The following PRXL2C variants were observed in gnomAD, a reference collection of about 807,000 sequenced individuals.
PRXL2C encodes peroxiredoxin like 2C.
In PRXL2C, 38 loss-of-function variants were observed where a neutral mutation model predicts 24.9. That is an observed-to-expected ratio of 1.53 (90% confidence interval 1.18 to 2.00). PRXL2C has a LOEUF of 2.00. Ranked by LOEUF, PRXL2C falls within the 30% of genes most tolerant of loss-of-function variation. PRXL2C has a pLI of 0.00. For missense variants in PRXL2C, 294 were observed against 290.9 expected, an observed-to-expected ratio of 1.01 and a Z score of -0.08; for synonymous variants, 98 against 117.2, an observed-to-expected ratio of 0.84 and a Z score of 1.06.
At chr9:96,652,333 C>T (rs974416007) in intron 2 of PRXL2C, among the ~76,000 whole-genome samples, 2 of 151,982 alleles carry the variant, frequency 1.3e-5, no homozygotes, top group African/African-American at 4.8e-5. Flanking sequence ...CCAGCCTGAC[C>T]AACATGGTGA....
chr9:96,645,942 A>G lies in PRXL2C; in HGVS notation c.504T>C (p.Asp168=). ...LWRAVTGPLF[D]FQGDPAQQGG... is the part of the protein sequence containing the mutation. ...CTTGCTGAGCTGGGTCTCCTTGAAA[A>G]TCAAAGAGAGGGCCAGTCACTGCCC... is the stretch of plus-strand genomic sequence containing the variant. The change falls in exon 5 of 6, where the codon GAT becomes GAC. Residue 168 remains aspartate (D), a synonymous_variant. Transcript: ENST00000375234. 2 of 1,613,654 alleles carry G rather than the reference A, an allele frequency of 1.2e-6. No individual in the cohort carries two copies. The highest frequency in any genetic ancestry group is 1.7e-6 in the Non-Finnish European group (2 of 1,179,914).
rs1173884541 is a variant in PRXL2C, at chr9:96,641,162, T to A, written c.*597A>T. The A allele has an allele frequency of 6.6e-6, 1 of 152,182 alleles. No individual in the cohort carries two copies. Among genetic ancestry groups the A allele is most frequent in the East Asian group, 1.9e-4 (1 of 5,200 alleles). 9.4% of individuals were successfully genotyped at this position (152,182 alleles called of 1,614,324 possible). Reference sequence around the variant, plus strand: ...ATGTTTAAAGACCTTTTCCTGGCCCTACAATATTAATCATGCTCATTATAT... The same window carrying A: ...ATGTTTAAAGACCTTTTCCTGGCCCAACAATATTAATCATGCTCATTATAT... On this transcript the variant is annotated 3_prime_UTR_variant, in exon 6 of 6. Coordinates refer to ENST00000375234, the MANE Select transcript of PRXL2C (RefSeq NM_153698.2).
intron 5 of PRXL2C, among the ~76,000 whole-genome samples, chr9:96,645,358 G>C (rs1462505976): frequency 6.6e-6 from 1 of 152,072 alleles, no homozygotes; most frequent in Non-Finnish European, 1.5e-5. Context: ...TCTAGGCATG[G>C]GATGATGGGC....
intron 4 of PRXL2C, among the ~76,000 whole-genome samples, chr9:96,649,254 G>C (rs1848235941): frequency 1.3e-5 from 2 of 151,492 alleles, no homozygotes; most frequent in Admixed American, 1.3e-4. Context: ...TCAAGTTTAG[G>C]TCTTTTTCTT....
At chr9:96,649,232 C>A (rs1318557361) in intron 4 of PRXL2C, among the ~76,000 whole-genome samples, 4 of 151,848 alleles carry the variant, frequency 2.6e-5, no homozygotes, top group Non-Finnish European at 5.9e-5. Context: ...GCCAGCTCAT[C>A]ATTAGTTCTG....
Position 96,641,209 on chromosome 9 carries a change from A to G in PRXL2C, c.*550T>C, listed in dbSNP as rs1178000678. The G allele has an allele frequency of 6.6e-6, 1 of 152,260 alleles. No individual in the cohort carries two copies. Among genetic ancestry groups the G allele is most frequent in the Non-Finnish European group, 1.5e-5 (1 of 68,054 alleles). The allele number at this position is 152,260 out of a possible 1,614,324, so 9.4% of individuals were successfully genotyped here. The stretch of plus-strand genomic sequence containing the variant: ...ATATAACAGTTGGGAAATACAGAAA[A>G]GTACAGAAAAGAAAATAATAACACT... On this transcript the variant is annotated 3_prime_UTR_variant, in exon 6 of 6. Transcript: ENST00000375234.
chr9:96,650,222 T>C (rs920724300), intron 4 of PRXL2C, among the ~76,000 whole-genome samples: 4 of 152,212 alleles, frequency 2.6e-5, no homozygotes, highest in Non-Finnish European at 2.9e-5. Context: ...ATGATGAGTC[T>C]GCATGGTGGG....
At chr9:96,644,920 G>A (rs1848172208) in intron 5 of PRXL2C, among the ~76,000 whole-genome samples, 2 of 68,524 alleles carry the variant, frequency 2.9e-5, no homozygotes, top group African/African-American at 4.9e-5. Flanking sequence ...TTTTTTTGAG[G>A]CAGAGTCTCA....
At position 96,655,233 on chromosome 9, in the gene PRXL2C, G is replaced by C; in HGVS notation, c.49C>G (p.Leu17Val). Residue 17 changes from leucine to valine, a missense_variant, in exon 1 of 6, where the codon CTG becomes GTG. Transcript: ENST00000375234. ...TCGGGGCCGCTCGGGGCCGGGACCA[G>C]GGCGGCGGCGCCGCTAACCTGCCGC... Reference protein sequence around the residue: ...VTRQVSGAAALVPAPSGPDSG... With the variant: ...VTRQVSGAAAVVPAPSGPDSG... 1 of 1,135,540 alleles carries C rather than the reference G, an allele frequency of 8.8e-7. No homozygotes were observed. The highest frequency in any genetic ancestry group is 4.7e-5 in the East Asian group (1 of 21,486). 70.3% of individuals were successfully genotyped at this position (1,135,540 alleles called of 1,614,324 possible). A position where few individuals can be genotyped will look rare whatever the true frequency, so the allele number is the denominator to read the frequency against.
chr9:96,642,985 G>C (rs925880851), intron 5 of PRXL2C, among the ~76,000 whole-genome samples: 3 of 151,858 alleles, frequency 2.0e-5, no homozygotes, highest in Non-Finnish European at 4.4e-5. Context: ...TTTTTTCCTG[G>C]TCATTATTCC....
intron 2 of PRXL2C, among the ~76,000 whole-genome samples, chr9:96,652,440 G>A (rs1848279808): frequency 6.6e-6 from 1 of 150,662 alleles, no homozygotes; most frequent in Admixed American, 6.7e-5. Context: ...AGAATCACTT[G>A]AACCTAGGAG....
chr9:96,647,442 T>C (rs1007986834), intron 4 of PRXL2C, among the ~76,000 whole-genome samples: 4 of 152,256 alleles, frequency 2.6e-5, no homozygotes, highest in Non-Finnish European at 5.9e-5. Flanking sequence ...ATTTCTTTCA[T>C]GTTTACATTA....
intron 2 of PRXL2C, among the ~76,000 whole-genome samples, chr9:96,652,976 C>T (rs762555370): frequency 2.0e-5 from 3 of 152,090 alleles, no homozygotes; most frequent in Non-Finnish European, 4.4e-5. Flanking sequence ...GCCTGTAATC[C>T]CAGCACTTTG....
At position 96,655,302 on chromosome 9, in the gene PRXL2C, C is replaced by T; in HGVS notation, c.-21G>A. ...GCCATGACGCGGGGCGGCCGAGGGC[C>T]TGGGTCCGCTCTGTCAGCGCGGACC... On this transcript the variant is annotated 5_prime_UTR_variant, in exon 1 of 6. Transcript: ENST00000375234. The T allele has an allele frequency of 9.6e-7, 1 of 1,039,146 alleles. No homozygotes were observed. Among genetic ancestry groups the T allele is most frequent in the East Asian group, 8.6e-5 (1 of 11,676 alleles). The allele number at this position is 1,039,146 out of a possible 1,614,324, so 64.4% of individuals were successfully genotyped here. A position where few individuals can be genotyped will look rare whatever the true frequency, so the allele number is the denominator to read the frequency against.
chr9:96,646,706 G>A (rs1449724212), intron 4 of PRXL2C, among the ~76,000 whole-genome samples: 2 of 152,182 alleles, frequency 1.3e-5, no homozygotes, highest in African/African-American at 2.4e-5. Flanking sequence ...TGGGTTGAAG[G>A]TGGCAAAGCA....
At chr9:96,646,646 A>G (rs1326181433) in intron 4 of PRXL2C, among the ~76,000 whole-genome samples, 1 of 152,178 alleles carries the variant, frequency 6.6e-6, no homozygotes, top group East Asian at 1.9e-4. Flanking sequence ...TTCCAGGCCA[A>G]GCTCCTCCCA....
At position 96,654,725 on chromosome 9, in the gene PRXL2C, T is replaced by A; in HGVS notation, c.241A>T (p.Ile81Phe). 6.4e-7 allele frequency: 1 copy of A among 1,565,932 alleles called. No homozygotes were observed. Among genetic ancestry groups the A allele is most frequent in the South Asian group, 1.2e-5 (1 of 84,994 alleles). The part of the protein sequence containing the change: ...CKEYVEDLAK[I>F]PRSFLQEANV... ...CTCACTTGTAAGAAACTCCTGGGGA[T>A]TTTGGCCAGATCCTCTACGTATTCC... is the stretch of plus-strand genomic sequence containing the variant. Residue 81 changes from isoleucine (I) to phenylalanine (F), a missense_variant, in exon 2 of 6, where the codon ATC becomes TTC. Ile to Phe is a conservative substitution (Grantham distance 21). Coordinates refer to ENST00000375234, the MANE Select transcript of PRXL2C (RefSeq NM_153698.2).
At chr9:96,649,061 C>T (rs1848232310) in intron 4 of PRXL2C, among the ~76,000 whole-genome samples, 1 of 152,060 alleles carries the variant, frequency 6.6e-6, no homozygotes, top group African/African-American at 2.4e-5. Context: ...GCGTGAGCCA[C>T]CGCGCCCAGC....
intron 1 of PRXL2C, 156 bp from the exon 2 acceptor site, chr9:96,654,929 G>T: frequency 8.5e-7 from 1 of 1,181,018 alleles, no homozygotes; most frequent in Non-Finnish European, 1.1e-6. Context: ...AGCGGGCCTC[G>T]CCCTCGCCCT....
Sources: allele counts gnomAD v4.1 joint callset (sites outside exome capture counted in the v4.1 genomes callset), GRCh38; gene constraint gnomAD v4.1.1; transcripts MANE v1.5; gene names NCBI Gene and HGNC (gene_info 2026-07-23, HGNC 2026-07-21).